The following SPAG16 variants were observed in gnomAD, a reference collection of about 807,000 sequenced individuals.
SPAG16 encodes sperm associated antigen 16.
Under a neutral mutation model 80.4 loss-of-function variants are expected in SPAG16, and 86 were observed. That is an observed-to-expected ratio of 1.07 (90% CI 0.90 to 1.28). The LOEUF is 1.28. Ranked by LOEUF, SPAG16 falls within the 50% of genes most tolerant of loss-of-function variation. The pLI is 0.00. For synonymous variants in SPAG16, 294 were observed against 265.9 expected (o/e 1.11, Z -1.03); for missense variants, 870 against 765.3 (o/e 1.14, Z -1.61).
intron 9 of SPAG16, among the ~76,000 whole-genome samples, chr2:213,451,810 C>G (rs1251778866): frequency 6.6e-6 from 1 of 152,002 alleles, no homozygotes; most frequent in Admixed American, 6.6e-5. Context: ...TTGTGCAGGC[C>G]GACTCTTAGT....
At chr2:213,437,069 G>T (rs2070687325) in intron 9 of SPAG16, among the ~76,000 whole-genome samples, 1 of 152,036 alleles carries the variant, frequency 6.6e-6, no homozygotes, top group South Asian at 2.1e-4. Flanking sequence ...CCACCACCGC[G>T]CCCGGCTAAT....
At chr2:213,744,264 G>A (rs1003761993) in intron 10 of SPAG16, among the ~76,000 whole-genome samples, 1 of 152,028 alleles carries the variant, frequency 6.6e-6, no homozygotes, top group Admixed American at 6.6e-5. Context: ...TTTCTGGGTC[G>A]CATGTGCCCT....
At chr2:213,986,891 C>CAAAAAAAAAAAAAAA (rs369965944) in intron 12 of SPAG16, among the ~76,000 whole-genome samples, 2 of 57,644 alleles carry the variant, frequency 3.5e-5, no homozygotes, top group African/African-American at 1.0e-4. Flanking sequence ...TCTGGTATAG[C>CAAAAAAAAAAAAAAA]AAAAAAAAAA....
chr2:213,652,265 C>T (rs1467060247), intron 10 of SPAG16, among the ~76,000 whole-genome samples: 2 of 151,764 alleles, frequency 1.3e-5, no homozygotes, highest in East Asian at 3.9e-4. Flanking sequence ...CTGTATTTTC[C>T]CCATATGGTA....
At chr2:213,304,343 G>C (rs1268974883) in intron 3 of SPAG16, among the ~76,000 whole-genome samples, 3 of 151,920 alleles carry the variant, frequency 2.0e-5, no homozygotes, top group African/African-American at 7.3e-5. Flanking sequence ...TCACATTATT[G>C]ATTGTTTCCT....
intron 9 of SPAG16, among the ~76,000 whole-genome samples, chr2:213,435,607 A>G (rs1260223067): frequency 1.3e-5 from 2 of 152,192 alleles, no homozygotes; most frequent in Non-Finnish European, 2.9e-5. Flanking sequence ...AAGCAAAGGG[A>G]TAAAAGAATT....
chr2:213,770,321 A>T (rs2069173187), intron 10 of SPAG16, among the ~76,000 whole-genome samples: 1 of 152,044 alleles, frequency 6.6e-6, no homozygotes. Context: ...AGGCATCATG[A>T]TAGGTGCATG....
intron 15 of SPAG16, among the ~76,000 whole-genome samples, chr2:214,262,774 A>G (rs1576625282): frequency 6.6e-6 from 1 of 152,168 alleles, no homozygotes; most frequent in Non-Finnish European, 1.5e-5. Context: ...AGTATAGACA[A>G]TGAGTATCAA....
chr2:214,383,967 A>G (rs1700606577), intron 15 of SPAG16, among the ~76,000 whole-genome samples: 1 of 152,168 alleles, frequency 6.6e-6, no homozygotes, highest in Non-Finnish European at 1.5e-5. Flanking sequence ...TCAGCCTGTT[A>G]TCACTGACAT....
chr2:213,940,166 C>A (rs2079140878), intron 12 of SPAG16, among the ~76,000 whole-genome samples: 1 of 152,066 alleles, frequency 6.6e-6, no homozygotes, highest in South Asian at 2.1e-4. Flanking sequence ...AAAAAGTGAG[C>A]ATTTAACTTT....
chr2:214,183,170 A>G (rs1339447145), intron 15 of SPAG16, among the ~76,000 whole-genome samples: 2 of 151,964 alleles, frequency 1.3e-5, no homozygotes, highest in African/African-American at 4.8e-5. Context: ...TTGAAAATCC[A>G]TACATCTACT....
intron 9 of SPAG16, among the ~76,000 whole-genome samples, chr2:213,433,060 C>A (rs935007141): frequency 1.3e-5 from 2 of 152,130 alleles, no homozygotes; most frequent in African/African-American, 4.8e-5. Flanking sequence ...AGCATCATTT[C>A]GCTATAAACA....
At chr2:213,675,712 TTCTGAGGGC>T (rs1203840917) in intron 10 of SPAG16, among the ~76,000 whole-genome samples, 2 of 152,120 alleles carry the variant, frequency 1.3e-5, no homozygotes, top group Non-Finnish European at 2.9e-5. Flanking sequence ...GTGGCGTTAT[TTCTGAGGGC>T]TCTGTTCTGT....
chr2:213,850,486 G>A (rs934293885), intron 10 of SPAG16, among the ~76,000 whole-genome samples: 1 of 152,320 alleles, frequency 6.6e-6, no homozygotes, highest in South Asian at 2.1e-4. Flanking sequence ...TGCTGTAGTG[G>A]TAATAAACTG....
At chr2:213,370,126 G>A (rs559155085) in intron 8 of SPAG16, among the ~76,000 whole-genome samples, 33 of 152,066 alleles carry the variant, frequency 2.2e-4, no homozygotes, top group Non-Finnish European at 3.4e-4. Flanking sequence ...ATTCCTAAGG[G>A]ACTATGCACA....
At chr2:213,459,677 A>G (rs950657633) in intron 9 of SPAG16, among the ~76,000 whole-genome samples, 7 of 152,252 alleles carry the variant, frequency 4.6e-5, no homozygotes, top group African/African-American at 1.4e-4. Flanking sequence ...GGCAGCAGCC[A>G]AAGATTCAGA....
chr2:213,874,422 T>C lies in SPAG16; in HGVS notation c.1214+11794T>C, dbSNP rs149904454. Reference sequence around the variant, plus strand: ...TTTTCTCTATTTTTTATTTTCAAACTTTTTGTTAAACACAAAGACACACAC... The same window carrying C: ...TTTTCTCTATTTTTTATTTTCAAACCTTTTGTTAAACACAAAGACACACAC... On this transcript the variant is annotated intron_variant, in intron 11 of 15. Transcript: ENST00000331683. 1.2e-3 allele frequency among the ~76,000 whole-genome samples: 190 copies of C among 152,266 alleles called. 1 individual carries two copies. The highest frequency in any genetic ancestry group is 1.7e-3 in the Non-Finnish European group (118 of 68,012).
intron 11 of SPAG16, among the ~76,000 whole-genome samples, chr2:213,915,574 T>G (rs1258263785): frequency 6.6e-6 from 1 of 152,162 alleles, no homozygotes; most frequent in East Asian, 1.9e-4. Context: ...TTGTGAATAG[T>G]GCTGCAATAA....
chr2:213,644,694 G>T (rs1197703178), intron 10 of SPAG16, among the ~76,000 whole-genome samples: 1 of 152,166 alleles, frequency 6.6e-6, no homozygotes, highest in East Asian at 1.9e-4. Flanking sequence ...CTCTCAGTCA[G>T]TCTCTTTCTC....
Sources: allele counts gnomAD v4.1 joint callset (sites outside exome capture counted in the v4.1 genomes callset), GRCh38; gene constraint gnomAD v4.1.1; transcripts MANE v1.5; gene names NCBI Gene and HGNC (gene_info 2026-07-23, HGNC 2026-07-21).